Variants in CSMD1 observed in about 807,000 individuals in gnomAD.
CSMD1 encodes CUB and Sushi multiple domains 1.
Under a neutral mutation model 417.5 loss-of-function variants are expected in CSMD1, and 213 were observed. The observed-to-expected ratio is 0.51, with a 90% CI of 0.46 to 0.57. The LOEUF (loss-of-function observed/expected upper bound fraction) is 0.57. Ranked by LOEUF, CSMD1 falls within the 20% of genes least tolerant of loss-of-function variation. The pLI, the probability that CSMD1 is intolerant of heterozygous loss-of-function variation, is 0.00. For missense variants in CSMD1, 6,923 were observed against 4,529.7 expected (o/e 1.53, Z -15.17); for synonymous variants, 2,862 against 1,736.8 (o/e 1.65, Z -16.11).
At chr8:3,441,274 T>A (rs1013976572) in intron 12 of CSMD1, among the ~76,000 whole-genome samples, 1 of 152,056 alleles carries the variant, frequency 6.6e-6, no homozygotes, top group Non-Finnish European at 1.5e-5. Flanking sequence ...GAGACTGAAT[T>A]TGTATTGTTT....
At chr8:3,847,820 C>T (rs1803612576) in intron 5 of CSMD1, among the ~76,000 whole-genome samples, 1 of 152,136 alleles carries the variant, frequency 6.6e-6, no homozygotes, top group Non-Finnish European at 1.5e-5. Flanking sequence ...GCACATCAAA[C>T]CTCATCTTGA....
chr8:4,114,134 G>A (rs780087300), intron 3 of CSMD1, among the ~76,000 whole-genome samples: 2 of 152,190 alleles, frequency 1.3e-5, no homozygotes, highest in Admixed American at 6.5e-5. Context: ...AGGAAAGAGG[G>A]TAAGTCAATG....
At chr8:3,567,233 A>T (rs1799751981) in intron 10 of CSMD1, among the ~76,000 whole-genome samples, 1 of 152,110 alleles carries the variant, frequency 6.6e-6, no homozygotes, top group Admixed American at 6.5e-5. Flanking sequence ...GTACATGGAC[A>T]CAAAGAGGGA....
chr8:4,956,488 T>C (rs1165858476), intron 1 of CSMD1, among the ~76,000 whole-genome samples: 2 of 148,340 alleles, frequency 1.3e-5, no homozygotes, highest in Non-Finnish European at 3.0e-5. Context: ...TGCATATGTG[T>C]ATAAAAATAT....
chr8:3,427,484 TCA>T (rs1366106061), intron 12 of CSMD1, among the ~76,000 whole-genome samples: 16 of 152,260 alleles, frequency 1.1e-4, no homozygotes, highest in East Asian at 7.7e-4. Flanking sequence ...ATGAAGATTT[TCA>T]CAGTCAAATG....
intron 22 of CSMD1, 65 bp from the exon 23 acceptor site, chr8:3,343,515 A>G (rs1354550308): frequency 2.9e-6 from 4 of 1,363,374 alleles, no homozygotes; most frequent in Non-Finnish European, 4.1e-6. Flanking sequence ...AGCAATGGTA[A>G]TAAACAATCC....
intron 3 of CSMD1, among the ~76,000 whole-genome samples, chr8:4,151,090 C>T (rs1796549810): frequency 6.6e-6 from 1 of 152,150 alleles, no homozygotes; most frequent in Non-Finnish European, 1.5e-5. Context: ...CAGGGTGCAA[C>T]TTGCATCCTT....
intron 5 of CSMD1, among the ~76,000 whole-genome samples, chr8:3,878,436 G>A (rs146276697): frequency 4.6e-5 from 7 of 152,126 alleles, no homozygotes; most frequent in South Asian, 2.1e-4. Context: ...AATGATACCA[G>A]TCTTGCCTTT....
chr8:3,808,220 C>G (rs1054788802), intron 5 of CSMD1, among the ~76,000 whole-genome samples: 2 of 152,116 alleles, frequency 1.3e-5, no homozygotes, highest in Non-Finnish European at 2.9e-5. Flanking sequence ...CTAAAATATA[C>G]TAAGAGATAT....
intron 3 of CSMD1, among the ~76,000 whole-genome samples, chr8:4,388,643 C>G (rs1357980886): frequency 6.6e-6 from 1 of 151,924 alleles, no homozygotes; most frequent in Non-Finnish European, 1.5e-5. Flanking sequence ...TTGCAAATCA[C>G]CATTAAAAAA....
chr8:4,736,667 A>G (rs148185071), intron 1 of CSMD1, among the ~76,000 whole-genome samples: 13 of 152,310 alleles, frequency 8.5e-5, no homozygotes, highest in African/African-American at 2.9e-4. Flanking sequence ...TTTATGCATA[A>G]CTTTTGAGAA....
intron 7 of CSMD1, among the ~76,000 whole-genome samples, chr8:3,644,722 C>G (rs1237732720): frequency 6.6e-6 from 1 of 152,078 alleles, no homozygotes; most frequent in South Asian, 2.1e-4. Context: ...ATTTGTGGGG[C>G]CTGTCAGGGG....
Position 3,283,611 on chromosome 8 carries a change from C to G in CSMD1, c.4153+533G>C, listed in dbSNP as rs181516774. Among the ~76,000 whole-genome samples the G allele has an allele frequency of 1.8e-3, 276 of 152,208 alleles. 3 individuals are homozygous for G. Among genetic ancestry groups the G allele is most frequent in the African/African-American group, 6.5e-3 (269 of 41,538 alleles). On this transcript the variant is annotated intron_variant, in intron 26 of 69. Coordinates refer to ENST00000635120, the MANE Select transcript of CSMD1 (RefSeq NM_033225.6). The stretch of plus-strand genomic sequence containing the variant: ...AAAGCCACTCCAGCCTCTACTTGCC[C>G]CTTCTGCCCTGAAGCAGGGCATAGA...
At chr8:4,470,038 C>G (rs926907108) in intron 2 of CSMD1, among the ~76,000 whole-genome samples, 1 of 151,644 alleles carries the variant, frequency 6.6e-6, no homozygotes, top group South Asian at 2.1e-4. Flanking sequence ...CGGCTAATTT[C>G]TTTTTGTATT....
intron 49 of CSMD1, among the ~76,000 whole-genome samples, chr8:3,065,491 A>G (rs1317054846): frequency 6.6e-6 from 1 of 152,090 alleles, no homozygotes; most frequent in Non-Finnish European, 1.5e-5. Context: ...AGGAAGATAG[A>G]TATATATAAA....
At chr8:3,384,991 CAT>C (rs1431809349) in intron 18 of CSMD1, among the ~76,000 whole-genome samples, 17 of 106,212 alleles carry the variant, frequency 1.6e-4, no homozygotes, top group African/African-American at 6.1e-4. Flanking sequence ...ATATATAATA[CAT>C]ATGCTATTTA....
At chr8:4,052,771 C>A (rs1798498638) in intron 3 of CSMD1, among the ~76,000 whole-genome samples, 1 of 152,104 alleles carries the variant, frequency 6.6e-6, no homozygotes, top group Non-Finnish European at 1.5e-5. Flanking sequence ...AATGGGATAT[C>A]TGAGGACACA....
intron 7 of CSMD1, among the ~76,000 whole-genome samples, chr8:3,706,360 C>A (rs574027651): frequency 1.3e-5 from 2 of 152,226 alleles, no homozygotes; most frequent in African/African-American, 4.8e-5. Flanking sequence ...GTCCTTTCAT[C>A]AGTGAAACAA....
intron 5 of CSMD1, among the ~76,000 whole-genome samples, chr8:3,798,346 T>C (rs1192188953): frequency 6.6e-6 from 1 of 152,076 alleles, no homozygotes; most frequent in Non-Finnish European, 1.5e-5. Flanking sequence ...CTGATGGCAG[T>C]AAGTCACTCT....
Sources: gnomAD v4.1 joint callset for allele counts (sites outside exome capture counted in the v4.1 genomes callset) on GRCh38, gnomAD v4.1.1 for gene constraint, MANE v1.5 for transcripts, NCBI Gene and HGNC (gene_info 2026-07-23, HGNC 2026-07-21) for gene names.